ATAD2: variants seen among roughly 807,000 people sequenced by gnomAD.
ATAD2 encodes ATPase family AAA domain-containing protein 2.
ATAD2 carries 62 observed loss-of-function variants against 168.9 expected under a neutral mutation model. The ratio of observed to expected loss-of-function variants is 0.37; its 90% CI spans 0.30 to 0.45. The LOEUF (loss-of-function observed/expected upper bound fraction) is 0.45. Ranked by LOEUF, ATAD2 falls within the 20% of genes least tolerant of loss-of-function variation. The pLI is 1.00. For synonymous variants in ATAD2, 613 were observed against 571.6 expected, an observed-to-expected ratio of 1.07 and a Z score of -1.03; for missense variants, 1,419 against 1,667.8, an observed-to-expected ratio of 0.85 and a Z score of 2.60.
At chr8:123,412,698 C>T (rs1045002939) in intron 1 of ATAD2, among the ~76,000 whole-genome samples, 5 of 152,002 alleles carry the variant, frequency 3.3e-5, no homozygotes, top group Admixed American at 2.0e-4. Flanking sequence ...TCCCAAAGTT[C>T]TAGGATTACA....
At chr8:123,334,374 A>G in intron 22 of ATAD2, 52 bp from the exon 23 acceptor site, 1 of 1,428,374 alleles carries the variant, frequency 7.0e-7, no homozygotes, top group East Asian at 2.4e-5. Context: ...TTAATAATAT[A>G]CCAAAAATAA....
chr8:123,390,969 G>A (rs958950552), intron 1 of ATAD2, among the ~76,000 whole-genome samples: 2 of 152,178 alleles, frequency 1.3e-5, no homozygotes, highest in African/African-American at 2.4e-5. Context: ...GCAGTGAGCA[G>A]AGATTGCGCC....
intron 19 of ATAD2, among the ~76,000 whole-genome samples, chr8:123,342,834 C>G (rs1268821561): frequency 1.3e-5 from 2 of 152,110 alleles, no homozygotes; most frequent in East Asian, 3.9e-4. Context: ...TCATCCTGGC[C>G]TTCTTGCTAT....
At chr8:123,407,481 C>A (rs541221298) in intron 1 of ATAD2, among the ~76,000 whole-genome samples, 2 of 151,946 alleles carry the variant, frequency 1.3e-5, no homozygotes, top group South Asian at 4.1e-4. Context: ...CCCAGCACTT[C>A]GGGAGGCTGA....
At position 123,357,593 on chromosome 8, in the gene ATAD2, G is replaced by C; in HGVS notation, c.1526C>G (p.Ser509Cys). ...AAACAGCAATCGTAGCTGTCTTTCA[G>C]ATTCTCCTACCCATTTACTTAGACA... ...ADCLSKWVGE[S>C]ERQLRLLFDQ... The change falls in exon 12 of 28, where the codon TCT (serine) becomes TGT (cysteine). Residue 509 changes from serine to cysteine, a missense_variant. By Grantham distance (112) the Ser-to-Cys change is moderately radical (BLOSUM62 -1). Transcript: ENST00000287394. 2 of 1,613,388 alleles carry C rather than the reference G, an allele frequency of 1.2e-6. No individual in the cohort carries two copies. The highest frequency in any genetic ancestry group is 1.7e-6 in the Non-Finnish European group (2 of 1,179,810).
intron 1 of ATAD2, among the ~76,000 whole-genome samples, chr8:123,406,160 T>A (rs1378629169): frequency 6.6e-6 from 1 of 152,142 alleles, no homozygotes. Flanking sequence ...GCGGATCACT[T>A]GACACCAGGA....
chr8:123,396,055 CCTCGACCACA>C, intron 1 of ATAD2, 122 bp downstream of exon 1: 5 of 1,087,860 alleles, frequency 4.6e-6, no homozygotes, highest in Non-Finnish European at 6.3e-6. Context: ...TTTTACTCGT[CCTCGACCACA>C]CTTCTCCCCC....
In ATAD2 at chr8:123,349,058, C is replaced by T. The variant is rs939917446; in HGVS notation, c.1806+227G>A. 2.8e-4 allele frequency among the ~76,000 whole-genome samples: 43 copies of T among 152,152 alleles called. 1 individual carries two copies. Among genetic ancestry groups the T allele is most frequent in the African/African-American group, 1.0e-3 (43 of 41,438 alleles). On this transcript the variant is annotated intron_variant, in intron 14 of 27. Coordinates refer to ENST00000287394, the MANE Select transcript of ATAD2 (RefSeq NM_014109.4). ...ATATGTTCTGAAGCAACACTTAGAA[C>T]ATCCAAAGGCTACACTCAAATTGAA...
At chr8:123,367,309 C>CG (rs945222164) in intron 8 of ATAD2, among the ~76,000 whole-genome samples, 4 of 152,104 alleles carry the variant, frequency 2.6e-5, no homozygotes, top group Admixed American at 6.5e-5. Flanking sequence ...CCCAGCTACT[C>CG]GGGGGGCTGA....
chr8:123,380,723 C>T (rs1829470542), intron 1 of ATAD2, 46 bp from the exon 2 acceptor site: 1 of 1,570,890 alleles, frequency 6.4e-7, no homozygotes, highest in African/African-American at 1.4e-5. Flanking sequence ...CTTTACAAAA[C>T]TCCAATTTAA....
upstream of ATAD2, chr8:123,401,426 C>T: frequency 7.2e-7 from 1 of 1,396,574 alleles, no homozygotes; most frequent in Non-Finnish European, 1.0e-6. Flanking sequence ...TATCAACTGC[C>T]ATGGTGTATT....
chr8:123,337,858 CAT>C, intron 20 of ATAD2, 37 bp from the exon 21 acceptor site: 1 of 1,530,670 alleles, frequency 6.5e-7, no homozygotes, highest in Non-Finnish European at 8.8e-7. Flanking sequence ...ACTGCTCCTC[CAT>C]AACATTGAGG....
chr8:123,345,073 G>C lies in ATAD2; in HGVS notation c.2533-4C>G, dbSNP rs1828195686. ...TTCTCTTAGCTTCACGAATCACCTA[G>C]TAGAGAGAGAACAAAACAAATTCAG... On this transcript the variant is annotated splice_polypyrimidine_tract_variant and splice_region_variant and intron_variant, in intron 18 of 27. Transcript: ENST00000287394. The C allele has an allele frequency of 6.3e-7, 1 of 1,592,272 alleles. No individual in the cohort carries two copies. The highest frequency in any genetic ancestry group is 1.3e-5 in the African/African-American group (1 of 74,280).
chr8:123,368,103 C>A (rs750620945), intron 8 of ATAD2, among the ~76,000 whole-genome samples: 1 of 152,152 alleles, frequency 6.6e-6, no homozygotes, highest in Non-Finnish European at 1.5e-5. Flanking sequence ...TATTCCAATG[C>A]ATTGATGAGG....
chr8:123,411,238 T>G (rs1217515284), intron 1 of ATAD2, among the ~76,000 whole-genome samples: 1 of 152,108 alleles, frequency 6.6e-6, no homozygotes, highest in East Asian at 1.9e-4. Flanking sequence ...CAGCCCCAGA[T>G]GCAGTCTATG....
intron 27 of ATAD2, among the ~76,000 whole-genome samples, chr8:123,322,065 G>A (rs1174078720): frequency 6.8e-6 from 1 of 146,676 alleles, no homozygotes; most frequent in Non-Finnish European, 1.5e-5. Context: ...TTGGCTCACT[G>A]CAACCTCTGC....
At position 123,320,814 on chromosome 8, in the gene ATAD2, T is replaced by C. The variant is rs892045313; in HGVS notation, c.*320A>G. ...TTAAAAGTGCTTAATACAAACAAAA[T>C]TTAACGCTGCTAATTATTCTTAAGT... is the stretch of plus-strand genomic sequence containing the variant. On this transcript the variant is annotated 3_prime_UTR_variant, in exon 28 of 28. Coordinates refer to ENST00000287394, the MANE Select transcript of ATAD2 (RefSeq NM_014109.4). 8.2e-6 allele frequency: 2 copies of C among 243,334 alleles called. No homozygotes were observed. Among genetic ancestry groups the C allele is most frequent in the Middle Eastern group, 1.3e-3 (1 of 744 alleles). The allele number at this position is 243,334 out of a possible 1,614,324, so 15.1% of individuals were successfully genotyped here. A position where few individuals can be genotyped will look rare whatever the true frequency, so the allele number is the denominator to read the frequency against.
intron 2 of ATAD2, among the ~76,000 whole-genome samples, chr8:123,376,693 A>G (rs928305070): frequency 1.3e-5 from 2 of 151,628 alleles, no homozygotes; most frequent in African/African-American, 4.9e-5. Context: ...TGTGGCTAGC[A>G]CCTGTAATCC....
intron 24 of ATAD2, among the ~76,000 whole-genome samples, chr8:123,333,417 A>C (rs1233641223): frequency 6.7e-6 from 1 of 149,936 alleles, no homozygotes; most frequent in East Asian, 1.9e-4. Context: ...CTCAAAAAAA[A>C]AAAAAAAAAA....
Sources: allele counts gnomAD v4.1 joint callset (sites outside exome capture counted in the v4.1 genomes callset), GRCh38; gene constraint gnomAD v4.1.1; transcripts MANE v1.5; gene names NCBI Gene and HGNC (gene_info 2026-07-23, HGNC 2026-07-21).